PKP1: variants seen among roughly 807,000 people sequenced by gnomAD.
The protein encoded by PKP1 is plakophilin 1.
PKP1 carries 27 observed loss-of-function variants against 76.4 expected under a neutral mutation model. That is an observed-to-expected ratio of 0.35 (90% confidence interval 0.26 to 0.49). The LOEUF is 0.49. Among genes scored for constraint, PKP1 ranks in the 20% least tolerant of loss-of-function variants. The probability of loss-of-function intolerance (pLI) is 0.99; values close to 1 mark genes in which losing one functional copy is unlikely to be tolerated. For missense variants in PKP1, 964 were observed against 955.2 expected, an observed-to-expected ratio of 1.01 and a Z score of -0.12; for synonymous variants, 404 against 384.2, an observed-to-expected ratio of 1.05 and a Z score of -0.60.
At chr1:201,290,927 C>T (rs1301807820) in intron 1 of PKP1, among the ~76,000 whole-genome samples, 1 of 152,122 alleles carries the variant, frequency 6.6e-6, no homozygotes, top group Non-Finnish European at 1.5e-5. Flanking sequence ...TGAGCTAGCA[C>T]CATTACACTC....
At chr1:201,285,378 T>C (rs1655700283) in intron 1 of PKP1, among the ~76,000 whole-genome samples, 1 of 152,000 alleles carries the variant, frequency 6.6e-6, no homozygotes, top group Non-Finnish European at 1.5e-5. Context: ...GAGGACTTCC[T>C]GGGCCCCAGA....
intron 2 of PKP1, among the ~76,000 whole-genome samples, chr1:201,302,984 T>C (rs1293701824): frequency 6.6e-6 from 1 of 152,242 alleles, no homozygotes; most frequent in Non-Finnish European, 1.5e-5. Flanking sequence ...AGACCAAGAC[T>C]GGAGCATGGT....
chr1:201,313,032 C>T, intron 2 of PKP1, 134 bp from the exon 3 acceptor site: 1 of 905,924 alleles, frequency 1.1e-6, no homozygotes. Flanking sequence ...GGCTCAGGTT[C>T]CTTCCACGCC....
At chr1:201,315,715 A>G (rs1479461032) in intron 3 of PKP1, among the ~76,000 whole-genome samples, 1 of 152,228 alleles carries the variant, frequency 6.6e-6, no homozygotes, top group African/African-American at 2.4e-5. Context: ...AAGGTTGACT[A>G]CAGACATTTC....
chr1:201,308,957 A>T (rs10047138), intron 2 of PKP1, among the ~76,000 whole-genome samples: 21,875 of 151,916 alleles, frequency 0.14, 2,102 homozygotes, highest in African/African-American at 0.28. Flanking sequence ...GGTGTAAAAG[A>T]GGGGAGTCAG....
At chr1:201,309,073 G>T (rs576345012) in intron 2 of PKP1, among the ~76,000 whole-genome samples, 3 of 152,018 alleles carry the variant, frequency 2.0e-5, no homozygotes, top group Non-Finnish European at 4.4e-5. Context: ...CAGCTTTGGG[G>T]GCCACTCCAC....
At chr1:201,311,134 G>T (rs1656538566) in intron 2 of PKP1, among the ~76,000 whole-genome samples, 1 of 152,202 alleles carries the variant, frequency 6.6e-6, no homozygotes. Flanking sequence ...CTGGCTCTTT[G>T]CCCTTTGGCA....
rs756548415 is a variant in PKP1 at position 201,317,655 on chromosome 1, C to G, written c.930C>G (p.Ala310=). ...NQNVQQAAAG[A]LRNLVFRSTT... ...ACGTCCAGCAGGCCGCGGCAGGGGCCCTGCGCAACCTGGTGTTCAGGAGCA... is the reference window on the plus strand; with the variant it reads ...ACGTCCAGCAGGCCGCGGCAGGGGCGCTGCGCAACCTGGTGTTCAGGAGCA... Residue 310 remains alanine, a synonymous_variant, in exon 5 of 14, where the codon GCC becomes GCG. Transcript: ENST00000367324. 6.2e-7 allele frequency: 1 copy of G among 1,613,912 alleles called. No individual in the cohort carries two copies. Among genetic ancestry groups the G allele is most frequent in the Non-Finnish European group, 8.5e-7 (1 of 1,180,016 alleles).
At chr1:201,317,424 C>G in intron 4 of PKP1, 148 bp from the exon 5 acceptor site, 1 of 739,688 alleles carries the variant, frequency 1.4e-6, no homozygotes, top group Non-Finnish European at 2.4e-6. Flanking sequence ...TTATCATGAC[C>G]TCACACTGCT....
rs1656226914 is a variant in PKP1 at position 201,301,418 on chromosome 1, A to AAT, written c.306+7374_306+7375dup. On this transcript the variant is annotated intron_variant, in intron 2 of 13. Coordinates refer to ENST00000367324, the MANE Select transcript of PKP1 (RefSeq NM_001005337.3). Reference sequence around the variant, plus strand: ...CCTTTAGCTTCACTAATCAACAACTAATCTTCCTCCATCATTTCCATTCAT... The same window carrying AAT: ...CCTTTAGCTTCACTAATCAACAACTAATATCTTCCTCCATCATTTCCATTCAT... Among the ~76,000 whole-genome samples the AAT allele has an allele frequency of 2.0e-5, 3 of 152,274 alleles. No homozygotes were observed. The South Asian group carries it at 6.2e-4, about 32-fold the overall frequency.
At chr1:201,325,441 C>G (rs890093383) in intron 11 of PKP1, among the ~76,000 whole-genome samples, 8 of 152,096 alleles carry the variant, frequency 5.3e-5, no homozygotes, top group Non-Finnish European at 8.8e-5. Context: ...TGAATAGGGA[C>G]TTTATCCTGC....
At position 201,316,361 on chromosome 1, in the gene PKP1, G is replaced by A. The variant is rs151144414; in HGVS notation, c.702-192G>A. ...CTCACATGGGGCAAATCCAGTGGGT[G>A]TAGCCTTCCCTCCTCTGGAGGAGAG... On this transcript the variant is annotated intron_variant, in intron 3 of 13. Transcript: ENST00000367324. 443 of 611,220 alleles carry A rather than the reference G, an allele frequency of 7.2e-4. 1 individual carries two copies. In the African/African-American group the frequency reaches 7.4e-3, roughly 10 times the overall value. The allele number at this position is 611,220 out of a possible 1,614,324, so 37.9% of individuals were successfully genotyped here. A position where few individuals can be genotyped will look rare whatever the true frequency, so the allele number is the denominator to read the frequency against.
rs1046188502 is a variant in PKP1, at chr1:201,330,907, C to T, written c.*866C>T. On this transcript the variant is annotated 3_prime_UTR_variant, in exon 14 of 14. Transcript: ENST00000367324. The stretch of plus-strand genomic sequence containing the variant: ...CAGAGCAGGCTCAGCCTGCAAAGGC[C>T]CTGCATTCAGAGGTCTTGTAATCTA... 2 of 152,336 alleles carry T rather than the reference C, an allele frequency of 1.3e-5. No homozygotes were observed. Among genetic ancestry groups the T allele is most frequent in the Admixed American group, 1.3e-4 (2 of 15,308 alleles). 9.4% of individuals were successfully genotyped at this position (152,336 alleles called of 1,614,324 possible). A position where few individuals can be genotyped will look rare whatever the true frequency, so the allele number is the denominator to read the frequency against.
chr1:201,309,976 T>C (rs1656489101), intron 2 of PKP1, among the ~76,000 whole-genome samples: 1 of 152,172 alleles, frequency 6.6e-6, no homozygotes, highest in Admixed American at 6.5e-5. Context: ...CTCCTCCACT[T>C]TTCTGAGACA....
rs116295694 is a variant in PKP1, at chr1:201,300,418, G to T, written c.306+6373G>T. On this transcript the variant is annotated intron_variant, in intron 2 of 13. Transcript: ENST00000367324. ...CTAAGAAGCTTCTGTTGCCCTTAGG[G>T]TTGGGCTGAGCTCGGGGAGCTTCCT... Among the ~76,000 whole-genome samples, 375 of 152,358 alleles carry T rather than the reference G, an allele frequency of 2.5e-3. 2 individuals carry two copies. The highest frequency in any genetic ancestry group is 6.8e-3 in the Middle Eastern group (2 of 294).
intron 12 of PKP1, 58 bp from the exon 13 acceptor site, chr1:201,328,704 C>G (rs1417115999): frequency 1.3e-6 from 2 of 1,492,670 alleles, no homozygotes; most frequent in Admixed American, 3.3e-5. Context: ...CAGTGTCTGA[C>G]CCCACAGCAA....
rs1794867 is a variant in PKP1, at chr1:201,317,550, C to T, written c.847-22C>T. On this transcript the variant is annotated intron_variant, in intron 4 of 13. Coordinates refer to ENST00000367324, the MANE Select transcript of PKP1 (RefSeq NM_001005337.3). The stretch of plus-strand genomic sequence containing the variant: ...AGCCTCATCTCCCTTGACCAGGCAG[C>T]GTGGCAACTCTTTCCTGGCAGGTCT... The T allele has an allele frequency of 0.2, 326,689 of 1,597,540 alleles. 34,535 individuals carry two copies. The highest frequency in any genetic ancestry group is 0.23 in the East Asian group (10,497 of 44,742).
chr1:201,328,586 T>G (rs1005687157), intron 12 of PKP1, 176 bp from the exon 13 acceptor site: 15 of 677,984 alleles, frequency 2.2e-5, no homozygotes, highest in African/African-American at 7.0e-5. Flanking sequence ...CATGGAGAGT[T>G]ATTATGTTTT....
At chr1:201,328,112 C>T (rs1388190760) in intron 12 of PKP1, among the ~76,000 whole-genome samples, 2 of 152,200 alleles carry the variant, frequency 1.3e-5, no homozygotes, top group South Asian at 2.1e-4. Flanking sequence ...ACCCTCTTTT[C>T]AAGGGCACCT....
Sources: allele counts gnomAD v4.1 joint callset (sites outside exome capture counted in the v4.1 genomes callset), GRCh38; gene constraint gnomAD v4.1.1; transcripts MANE v1.5; gene names NCBI Gene and HGNC (gene_info 2026-07-23, HGNC 2026-07-21).